The following UST variants were observed in gnomAD, a reference collection of about 807,000 sequenced individuals.
UST encodes chondroitin sulfate 2-O-sulfotransferase.
In UST, 21 loss-of-function variants were observed where a neutral mutation model predicts 45.6. That is an observed-to-expected ratio of 0.46 (90% CI 0.33 to 0.66). The LOEUF is 0.66. Ranked by LOEUF, UST falls within the 30% of genes least tolerant of loss-of-function variation. The pLI is 0.02. For synonymous variants in UST, 215 were observed against 200.6 expected, an observed-to-expected ratio of 1.07 and a Z score of -0.61; for missense variants, 463 against 512.4, an observed-to-expected ratio of 0.90 and a Z score of 0.93.
At chr6:148,803,693 G>T (rs1391603134) in intron 1 of UST, among the ~76,000 whole-genome samples, 3 of 152,214 alleles carry the variant, frequency 2.0e-5, no homozygotes, top group Non-Finnish European at 2.9e-5. Flanking sequence ...ACCCTCAGAG[G>T]TTTTCCCTGA....
chr6:148,771,287 C>A (rs1159920755), intron 1 of UST, among the ~76,000 whole-genome samples: 2 of 152,122 alleles, frequency 1.3e-5, no homozygotes, highest in Admixed American at 1.3e-4. Flanking sequence ...TTTCTTTGTG[C>A]CATTATTGAA....
chr6:148,766,139 C>T (rs1776320147), intron 1 of UST, among the ~76,000 whole-genome samples: 1 of 152,116 alleles, frequency 6.6e-6, no homozygotes, highest in Admixed American at 6.5e-5. Flanking sequence ...TATCTTCATA[C>T]TTCATTTGTT....
chr6:148,989,186 G>A (rs1319014026), intron 5 of UST, among the ~76,000 whole-genome samples: 2 of 151,134 alleles, frequency 1.3e-5, no homozygotes, highest in Non-Finnish European at 2.9e-5. Context: ...TCATGAAGGT[G>A]GAATTACTTG....
chr6:148,819,089 A>AC (rs1434977419), intron 1 of UST, among the ~76,000 whole-genome samples: 1 of 152,138 alleles, frequency 6.6e-6, no homozygotes, highest in Non-Finnish European at 1.5e-5. Flanking sequence ...TTGAAGCAAA[A>AC]CCCCGCTGGG....
chr6:148,774,844 C>G (rs1776500524), intron 1 of UST, among the ~76,000 whole-genome samples: 6 of 152,154 alleles, frequency 3.9e-5, no homozygotes, highest in Admixed American at 3.3e-4. Context: ...CATGGTGAAA[C>G]CCCGTCTTTA....
At chr6:148,843,157 G>A (rs1370274486) in intron 1 of UST, among the ~76,000 whole-genome samples, 1 of 152,204 alleles carries the variant, frequency 6.6e-6, no homozygotes, top group Admixed American at 6.5e-5. Context: ...GAAGCAGATG[G>A]TAAGTGAGAC....
At chr6:148,848,719 G>C (rs1778045268) in intron 1 of UST, among the ~76,000 whole-genome samples, 1 of 151,568 alleles carries the variant, frequency 6.6e-6, no homozygotes, top group South Asian at 2.1e-4. Flanking sequence ...TGAAAGTTTT[G>C]AGAAACTTTC....
intron 5 of UST, among the ~76,000 whole-genome samples, chr6:148,971,506 C>T (rs534622356): frequency 4.6e-5 from 7 of 152,186 alleles, no homozygotes; most frequent in African/African-American, 1.4e-4. Context: ...AGAGACATGG[C>T]GCTGTCCAGG....
At chr6:148,756,664 T>C (rs540169006) in intron 1 of UST, among the ~76,000 whole-genome samples, 42 of 152,358 alleles carry the variant, frequency 2.8e-4, no homozygotes, top group Admixed American at 2.2e-3. Context: ...TTTGTTTATT[T>C]CATGATCTCT....
At chr6:149,008,994 C>G (rs1775762929) in intron 5 of UST, among the ~76,000 whole-genome samples, 1 of 152,182 alleles carries the variant, frequency 6.6e-6, no homozygotes, top group South Asian at 2.1e-4. Context: ...TGAAGAAAGA[C>G]TGCACCTTAA....
At chr6:149,073,471 C>T (rs1030240657) in intron 7 of UST, among the ~76,000 whole-genome samples, 1 of 152,184 alleles carries the variant, frequency 6.6e-6, no homozygotes, top group Admixed American at 6.5e-5. Context: ...TCCATGCCTC[C>T]TTCTGAGGGT....
At chr6:148,926,098 A>T (rs1275437778) in intron 2 of UST, among the ~76,000 whole-genome samples, 1 of 152,230 alleles carries the variant, frequency 6.6e-6, no homozygotes, top group Non-Finnish European at 1.5e-5. Context: ...AGACTTTTAA[A>T]GTAATTGAAG....
At chr6:149,008,478 T>C (rs1019925811) in intron 5 of UST, among the ~76,000 whole-genome samples, 2 of 152,034 alleles carry the variant, frequency 1.3e-5, no homozygotes, top group African/African-American at 4.8e-5. Flanking sequence ...ACCCTTAAGA[T>C]GATAATAAGG....
intron 7 of UST, among the ~76,000 whole-genome samples, chr6:149,034,849 TC>T: frequency 2.1e-5 from 1 of 48,604 alleles, no homozygotes; most frequent in Non-Finnish European, 3.8e-5. Context: ...TCTCTCTCTC[TC>T]TCTCTCTCTC....
At chr6:149,023,363 G>C (rs917034718) in intron 7 of UST, among the ~76,000 whole-genome samples, 1 of 152,120 alleles carries the variant, frequency 6.6e-6, no homozygotes, top group African/African-American at 2.4e-5. Context: ...CTCAGACCAA[G>C]AGCCACGTGT....
chr6:148,808,631 G>T (rs138320980), intron 1 of UST, among the ~76,000 whole-genome samples: 2 of 151,992 alleles, frequency 1.3e-5, no homozygotes, highest in Non-Finnish European at 2.9e-5. Context: ...TTAAAGAAGC[G>T]TTGGGATATG....
intron 1 of UST, among the ~76,000 whole-genome samples, chr6:148,868,683 G>A (rs1778492871): frequency 6.6e-6 from 1 of 152,082 alleles, no homozygotes; most frequent in Non-Finnish European, 1.5e-5. Context: ...CCCAAACCCT[G>A]CCAGGGTTTT....
At chr6:149,002,727 G>A (rs916830931) in intron 5 of UST, among the ~76,000 whole-genome samples, 3 of 152,094 alleles carry the variant, frequency 2.0e-5, no homozygotes, top group African/African-American at 7.2e-5. Flanking sequence ...GGCTGGTCTC[G>A]AACTCCTGAC....
chr6:148,782,092 T>C (rs1278368853), intron 1 of UST, among the ~76,000 whole-genome samples: 1 of 151,580 alleles, frequency 6.6e-6, no homozygotes, highest in Non-Finnish European at 1.5e-5. Context: ...AATACATTTC[T>C]TTTTTTTTGA....
Sources: allele counts gnomAD v4.1 joint callset (sites outside exome capture counted in the v4.1 genomes callset), GRCh38; gene constraint gnomAD v4.1.1; transcripts MANE v1.5; gene names NCBI Gene and HGNC (gene_info 2026-07-23, HGNC 2026-07-21).